The following CADM2 variants were observed in gnomAD, a reference collection of about 807,000 sequenced individuals.
CADM2 encodes immunoglobulin superfamily member 4D.
A neutral mutation model predicts 49.8 loss-of-function variants in CADM2; 12 were observed. The observed-to-expected ratio is 0.24, with a 90% CI of 0.15 to 0.39. The LOEUF is 0.39. CADM2 is among the 10% of genes least tolerant of loss of function. The pLI is 1.00. For missense variants in CADM2, 378 were observed against 492.3 expected (o/e 0.77, Z 2.20); for synonymous variants, 214 against 175.4 (o/e 1.22, Z -1.74).
chr3:85,066,996 T>G (rs2036549778), intron 1 of CADM2, among the ~76,000 whole-genome samples: 1 of 152,110 alleles, frequency 6.6e-6, no homozygotes, highest in African/African-American at 2.4e-5. Context: ...GGGCTATATT[T>G]GTATCATTTT....
intron 3 of CADM2, among the ~76,000 whole-genome samples, chr3:85,815,334 C>T (rs552753414): frequency 5.8e-4 from 88 of 152,104 alleles, no homozygotes; most frequent in South Asian, 1.0e-3. Context: ...AACATCGATG[C>T]GAAAATCCTC....
intron 8 of CADM2, among the ~76,000 whole-genome samples, chr3:86,016,224 A>T (rs558835828): frequency 1.3e-5 from 2 of 152,234 alleles, no homozygotes; most frequent in Admixed American, 1.3e-4. Flanking sequence ...ACAAGTAAAC[A>T]GAGGGAAATA....
At chr3:85,243,178 A>G (rs543689867) in intron 1 of CADM2, among the ~76,000 whole-genome samples, 2 of 151,946 alleles carry the variant, frequency 1.3e-5, no homozygotes, top group Admixed American at 1.3e-4. Flanking sequence ...TTTTTTATAG[A>G]ACATATTATT....
chr3:85,321,105 TATATATATATA>T (rs2044590462), intron 1 of CADM2, among the ~76,000 whole-genome samples: 3 of 37,252 alleles, frequency 8.1e-5, no homozygotes, highest in African/African-American at 1.8e-4. Context: ...TATATATATA[TATATATATATA>T]TTTTTTTTTT....
Position 85,864,179 on chromosome 3 carries a change from A to T in CADM2, c.239-19112A>T, listed in dbSNP as rs1287365114. On this transcript the variant is annotated intron_variant, in intron 3 of 9. Coordinates refer to ENST00000383699, the MANE Select transcript of CADM2 (RefSeq NM_001167675.2). ...ATGATTGTTATTAATTTTATAAAAT[A>T]CTTTTATGCCTTCTTTAAGATAGTT... 3.3e-5 allele frequency among the ~76,000 whole-genome samples: 5 copies of T among 152,306 alleles called. No homozygotes were observed. In the East Asian group the frequency reaches 9.7e-4, roughly 29 times the overall value.
At chr3:85,001,758 T>C (rs2033475575) in intron 1 of CADM2, among the ~76,000 whole-genome samples, 1 of 152,118 alleles carries the variant, frequency 6.6e-6, no homozygotes, top group Admixed American at 6.6e-5. Context: ...TTAAGTACCT[T>C]AAAACATTAA....
chr3:85,257,139 C>A (rs2042905195), intron 1 of CADM2, among the ~76,000 whole-genome samples: 1 of 152,012 alleles, frequency 6.6e-6, no homozygotes, highest in Admixed American at 6.6e-5. Context: ...TTGGCAGAAC[C>A]AGGTTTTGAA....
chr3:85,383,033 C>T (rs138356546), intron 1 of CADM2, among the ~76,000 whole-genome samples: 1 of 152,234 alleles, frequency 6.6e-6, no homozygotes, highest in African/African-American at 2.4e-5. Flanking sequence ...GTAACAATAG[C>T]TGAGTCTCAG....
intron 2 of CADM2, among the ~76,000 whole-genome samples, chr3:85,730,180 G>A (rs573320866): frequency 1.3e-5 from 2 of 152,194 alleles, no homozygotes; most frequent in East Asian, 3.9e-4. Flanking sequence ...AGTGGCTCAT[G>A]CCTGTAATCC....
At position 85,896,085 on chromosome 3, in the gene CADM2, C is replaced by T. The variant is rs1577593864; in HGVS notation, c.529+9758C>T. ...GCAGGAGGATCAATTGAACCCAAGA[C>T]TTGGACATCAGCCTGGACAAAATAA... On this transcript the variant is annotated intron_variant, in intron 5 of 9. Transcript: ENST00000383699. Among the ~76,000 whole-genome samples the T allele has an allele frequency of 4.6e-5, 7 of 152,230 alleles. 2 individuals are homozygous for T. The highest frequency in any genetic ancestry group is 4.6e-4 in the Admixed American group (7 of 15,292).
intron 5 of CADM2, among the ~76,000 whole-genome samples, chr3:85,911,229 T>C (rs1296638301): frequency 6.6e-6 from 1 of 152,172 alleles, no homozygotes; most frequent in East Asian, 1.9e-4. Context: ...AACTTAACCT[T>C]ATCTTATTAG....
At chr3:85,398,443 G>C (rs2107427281) in intron 1 of CADM2, among the ~76,000 whole-genome samples, 1 of 152,224 alleles carries the variant, frequency 6.6e-6, no homozygotes, top group African/African-American at 2.4e-5. Flanking sequence ...CTTTGTTATT[G>C]TGAATAGTGC....
At chr3:86,031,720 A>G (rs1322419279) in intron 8 of CADM2, among the ~76,000 whole-genome samples, 1 of 151,850 alleles carries the variant, frequency 6.6e-6, no homozygotes, top group Admixed American at 6.6e-5. Context: ...TGGGAATTAC[A>G]TGAAGAAACT....
intron 8 of CADM2, chr3:86,012,962 G>A (rs1357169141): frequency 4.1e-6 from 3 of 734,120 alleles, no homozygotes; most frequent in Non-Finnish European, 7.2e-6. Context: ...GCGACAGCGA[G>A]ACTCCATCTC....
chr3:85,743,833 G>T (rs2068496051), intron 2 of CADM2, among the ~76,000 whole-genome samples: 1 of 152,012 alleles, frequency 6.6e-6, no homozygotes, highest in South Asian at 2.1e-4. Flanking sequence ...GAAGAAAAGA[G>T]ACATTGTAAG....
chr3:85,768,713 C>T (rs1352918416), intron 2 of CADM2, among the ~76,000 whole-genome samples: 6 of 144,270 alleles, frequency 4.2e-5, no homozygotes, highest in African/African-American at 1.0e-4. Context: ...TACACATATA[C>T]ACACATATAG....
chr3:85,267,134 A>T (rs2043138704), intron 1 of CADM2, among the ~76,000 whole-genome samples: 1 of 111,178 alleles, frequency 9.0e-6, no homozygotes, highest in African/African-American at 3.0e-5. Context: ...AAGCTGAAAG[A>T]TTAACCATAA....
intron 1 of CADM2, among the ~76,000 whole-genome samples, chr3:85,064,451 TA>T (rs1226479771): frequency 1.3e-5 from 2 of 152,114 alleles, no homozygotes; most frequent in African/African-American, 2.4e-5. Flanking sequence ...TGACTTGTTT[TA>T]GTGAGGATAA....
intron 1 of CADM2, among the ~76,000 whole-genome samples, chr3:85,321,842 T>C (rs569069425): frequency 1.7e-4 from 26 of 152,196 alleles, no homozygotes; most frequent in Non-Finnish European, 3.1e-4. Flanking sequence ...GTATGAATAG[T>C]ATGCATTTTT....
Sources: allele counts gnomAD v4.1 joint callset (sites outside exome capture counted in the v4.1 genomes callset), GRCh38; gene constraint gnomAD v4.1.1; transcripts MANE v1.5; gene names NCBI Gene and HGNC (gene_info 2026-07-23, HGNC 2026-07-21).